CSMD1: variants seen among roughly 807,000 people sequenced by gnomAD.
The protein encoded by CSMD1 is CUB and sushi domain-containing protein 1.
CSMD1 carries 213 observed loss-of-function variants against 417.5 expected under a neutral mutation model. The observed-to-expected ratio is 0.51, with a 90% CI of 0.46 to 0.57. The LOEUF is 0.57. Among genes scored for constraint, CSMD1 ranks in the 20% least tolerant of loss-of-function variants. The pLI is 0.00. For synonymous variants in CSMD1, 2,862 were observed against 1,736.8 expected (o/e 1.65, Z -16.11); for missense variants, 6,923 against 4,529.7 (o/e 1.53, Z -15.17).
rs554421572 is a variant in CSMD1, at chr8:4,090,845, C to T, written c.416-58746G>A. Among the ~76,000 whole-genome samples the T allele has an allele frequency of 8.6e-5, 13 of 151,596 alleles. No homozygotes were observed. In the East Asian group the frequency reaches 9.7e-4, roughly 11 times the overall value. On this transcript the variant is annotated intron_variant, in intron 3 of 69. Coordinates refer to ENST00000635120, the MANE Select transcript of CSMD1 (RefSeq NM_033225.6). ...CGAATGAAAAAATAGAAATATTTGGCGAAGGGATGCCATAACTATTTTACT... is the reference window on the plus strand; with the variant it reads ...CGAATGAAAAAATAGAAATATTTGGTGAAGGGATGCCATAACTATTTTACT...
intron 11 of CSMD1, among the ~76,000 whole-genome samples, chr8:3,469,465 G>A (rs1387997150): frequency 6.6e-6 from 1 of 152,148 alleles, no homozygotes; most frequent in Non-Finnish European, 1.5e-5. Context: ...CACCAAATGT[G>A]AGTTTCAATG....
chr8:3,679,438 A>G (rs920507352), intron 7 of CSMD1, among the ~76,000 whole-genome samples: 1 of 152,208 alleles, frequency 6.6e-6, no homozygotes, highest in Admixed American at 6.5e-5. Context: ...GAGACAAAGA[A>G]AGCCATTACG....
intron 7 of CSMD1, among the ~76,000 whole-genome samples, chr8:3,689,126 A>G (rs1382009171): frequency 6.6e-6 from 1 of 152,190 alleles, no homozygotes; most frequent in Admixed American, 6.5e-5. Flanking sequence ...AAACAACTCC[A>G]TGCTTTGGTT....
intron 49 of CSMD1, among the ~76,000 whole-genome samples, chr8:3,066,524 G>C (rs1373203466): frequency 2.0e-5 from 3 of 152,130 alleles, no homozygotes; most frequent in Admixed American, 2.0e-4. Flanking sequence ...GGACTCTGGG[G>C]GTCCTTTAAT....
intron 47 of CSMD1, among the ~76,000 whole-genome samples, chr8:3,095,800 A>G (rs950868441): frequency 6.6e-6 from 1 of 152,238 alleles, no homozygotes; most frequent in Non-Finnish European, 1.5e-5. Flanking sequence ...AGAAATATTA[A>G]CATTCCTTCC....
intron 3 of CSMD1, among the ~76,000 whole-genome samples, chr8:4,147,274 G>C (rs961411507): frequency 6.6e-6 from 1 of 152,036 alleles, no homozygotes; most frequent in Non-Finnish European, 1.5e-5. Flanking sequence ...CTCCTCACCT[G>C]CGTAATTCCA....
chr8:3,490,137 C>G (rs188928116), intron 11 of CSMD1, among the ~76,000 whole-genome samples: 107 of 152,286 alleles, frequency 7.0e-4, no homozygotes, highest in Non-Finnish European at 1.3e-3. Flanking sequence ...TTTCTGTGAT[C>G]TGGTACACTA....
intron 2 of CSMD1, among the ~76,000 whole-genome samples, chr8:4,433,320 C>T (rs1006636540): frequency 6.6e-6 from 1 of 152,126 alleles, no homozygotes; most frequent in African/African-American, 2.4e-5. Flanking sequence ...GAAACTGGTC[C>T]CTGGCACCAG....
At chr8:3,958,394 AG>A (rs748654456) in intron 5 of CSMD1, among the ~76,000 whole-genome samples, 11 of 151,892 alleles carry the variant, frequency 7.2e-5, no homozygotes, top group Non-Finnish European at 1.2e-4. Context: ...GAAACCAAAA[AG>A]GAGGCAGAAA....
At chr8:4,986,953 A>G (rs1470299895) in intron 1 of CSMD1, among the ~76,000 whole-genome samples, 4 of 152,180 alleles carry the variant, frequency 2.6e-5, no homozygotes, top group Admixed American at 2.6e-4. Context: ...CTACCTATCT[A>G]TATTTAAAAT....
At chr8:4,168,306 G>A (rs114614193) in intron 3 of CSMD1, among the ~76,000 whole-genome samples, 18 of 151,790 alleles carry the variant, frequency 1.2e-4, no homozygotes, top group African/African-American at 3.9e-4. Context: ...AGGCAGAAAG[G>A]GCTCCCTTGA....
chr8:3,700,884 G>A (rs1248760485), intron 7 of CSMD1, among the ~76,000 whole-genome samples: 1 of 152,178 alleles, frequency 6.6e-6, no homozygotes, highest in Non-Finnish European at 1.5e-5. Context: ...AGAAGAGGAA[G>A]GATGTGGTTC....
chr8:4,653,386 T>C (rs1585398162), intron 1 of CSMD1, among the ~76,000 whole-genome samples: 2 of 152,110 alleles, frequency 1.3e-5, no homozygotes, highest in East Asian at 3.9e-4. Flanking sequence ...AACATTTTTT[T>C]GTTATTACTA....
intron 1 of CSMD1, among the ~76,000 whole-genome samples, chr8:4,925,098 G>C (rs186687182): frequency 4.3e-4 from 65 of 151,646 alleles, no homozygotes; most frequent in African/African-American, 1.5e-3. Context: ...TATTATGACA[G>C]AATGAACTAG....
At chr8:3,910,967 T>C (rs1808420773) in intron 5 of CSMD1, among the ~76,000 whole-genome samples, 1 of 152,226 alleles carries the variant, frequency 6.6e-6, no homozygotes, top group African/African-American at 2.4e-5. Flanking sequence ...TTCTTGGGCA[T>C]ATTTCTGTAG....
At chr8:4,272,073 C>T (rs937607115) in intron 3 of CSMD1, among the ~76,000 whole-genome samples, 6 of 152,106 alleles carry the variant, frequency 3.9e-5, no homozygotes, top group African/African-American at 1.4e-4. Flanking sequence ...TTCAAACCTG[C>T]ACTGTTCAAC....
chr8:4,522,801 C>A (rs1334220853), intron 2 of CSMD1, among the ~76,000 whole-genome samples: 2 of 152,110 alleles, frequency 1.3e-5, no homozygotes, highest in Non-Finnish European at 2.9e-5. Context: ...GCAAGGACTG[C>A]AGAAATAAGA....
At chr8:3,005,662 G>A (rs951297870) in intron 52 of CSMD1, among the ~76,000 whole-genome samples, 3 of 152,146 alleles carry the variant, frequency 2.0e-5, no homozygotes, top group Non-Finnish European at 2.9e-5. Context: ...CAGAGCCAAA[G>A]ACAAAAACCA....
intron 3 of CSMD1, among the ~76,000 whole-genome samples, chr8:4,152,321 T>G (rs1203504552): frequency 6.6e-6 from 1 of 152,142 alleles, no homozygotes; most frequent in Admixed American, 6.6e-5. Flanking sequence ...GCTTTTTGAA[T>G]TGAATATTTA....
Sources: gnomAD v4.1 joint callset for allele counts (sites outside exome capture counted in the v4.1 genomes callset) on GRCh38, gnomAD v4.1.1 for gene constraint, MANE v1.5 for transcripts, NCBI Gene and HGNC (gene_info 2026-07-23, HGNC 2026-07-21) for gene names.